Variants in PCDHA13 observed in about 807,000 individuals in gnomAD.
The protein encoded by PCDHA13 is protocadherin alpha 13, also known as protocadherin alpha-13.
PCDHA13 carries 54 observed loss-of-function variants against 64.8 expected under a neutral mutation model. The ratio of observed to expected loss-of-function variants is 0.83; its 90% CI spans 0.67 to 1.04. The LOEUF (loss-of-function observed/expected upper bound fraction) is 1.04, where lower values mean the gene tolerates loss of function less well. Among genes scored for constraint, PCDHA13 ranks in the 50% least tolerant of loss-of-function variants. The pLI is 0.00. For missense variants in PCDHA13, 1,248 were observed against 1,254.3 expected (o/e 0.99, Z 0.08); for synonymous variants, 587 against 564.4 (o/e 1.04, Z -0.57).
intron 1 of PCDHA13, chr5:140,966,674 G>A: frequency 7.7e-7 from 1 of 1,295,168 alleles, no homozygotes; most frequent in Non-Finnish European, 1.0e-6. Flanking sequence ...GGCGCAGGGT[G>A]GCACGAGCGG....
At chr5:140,945,001 G>A (rs2093722890) in intron 1 of PCDHA13, among the ~76,000 whole-genome samples, 1 of 151,990 alleles carries the variant, frequency 6.6e-6, no homozygotes, top group African/African-American at 2.4e-5. Context: ...ACGGTTGTGG[G>A]TCATGAATTA....
At chr5:140,903,873 A>G (rs1173905704) in intron 1 of PCDHA13, among the ~76,000 whole-genome samples, 2 of 152,204 alleles carry the variant, frequency 1.3e-5, no homozygotes, top group Non-Finnish European at 2.9e-5. Context: ...GTAAAATGAC[A>G]AAGACATTGA....
chr5:140,885,229 C>A (rs1410460890), intron 1 of PCDHA13, among the ~76,000 whole-genome samples: 2 of 151,932 alleles, frequency 1.3e-5, no homozygotes, highest in African/African-American at 4.8e-5. Context: ...TGTGATTCTG[C>A]TTTCAATTTT....
chr5:140,927,340 G>C, intron 1 of PCDHA13: 1 of 1,614,030 alleles, frequency 6.2e-7, no homozygotes, highest in Non-Finnish European at 8.5e-7. Flanking sequence ...GAATGCCCAA[G>C]ATGACGACGA....
intron 1 of PCDHA13, among the ~76,000 whole-genome samples, chr5:140,965,996 A>G (rs2095956267): frequency 6.6e-6 from 1 of 152,102 alleles, no homozygotes; most frequent in South Asian, 2.1e-4. Context: ...TGCAGTACTT[A>G]AGAGTGTCCA....
rs369951260 is a variant in PCDHA13, at chr5:140,883,850, C to G, written c.1582C>G (p.Leu528Val). ...GCTGCAGCCGTTGGACCACGAGGAG[C>G]TGGAGCTGTTGCAGTTCCAGGTGAG... ...YALQPLDHEE[L>V]ELLQFQVSAR... Residue 528 changes from leucine (L) to valine (V), a missense_variant, in exon 1 of 4, where the codon CTG becomes GTG. Physicochemically the swap from Leu to Val is conservative, Grantham distance 32 (BLOSUM62 1). Transcript: ENST00000289272. 31 of 1,612,792 alleles carry G rather than the reference C, an allele frequency of 1.9e-5. No homozygotes were observed. The highest frequency in any genetic ancestry group is 4.0e-5 in the African/African-American group (3 of 74,894).
intron 3 of PCDHA13, among the ~76,000 whole-genome samples, chr5:140,990,479 G>A (rs1227837227): frequency 3.3e-5 from 5 of 152,184 alleles, no homozygotes; most frequent in Non-Finnish European, 5.9e-5. Context: ...GTATCAAGCT[G>A]AATAGTGAGG....
At chr5:140,902,895 T>C (rs1554190698) in intron 1 of PCDHA13, among the ~76,000 whole-genome samples, 1 of 152,222 alleles carries the variant, frequency 6.6e-6, no homozygotes, top group Non-Finnish European at 1.5e-5. Flanking sequence ...TATTATTTTA[T>C]TTAGTTTATG....
chr5:140,941,243 CTT>C (rs782176516), intron 1 of PCDHA13, among the ~76,000 whole-genome samples: 1 of 131,826 alleles, frequency 7.6e-6, no homozygotes, highest in Non-Finnish European at 1.6e-5. Flanking sequence ...TTCTTTCTTT[CTT>C]TCTTTCTTTC....
At chr5:140,959,614 G>T (rs1175211325) in intron 1 of PCDHA13, among the ~76,000 whole-genome samples, 1 of 152,024 alleles carries the variant, frequency 6.6e-6, no homozygotes, top group African/African-American at 2.4e-5. Context: ...TTTCTTGCTT[G>T]TGATAGAAAA....
chr5:140,966,813 T>C (rs2096057002), intron 1 of PCDHA13: 2 of 1,551,874 alleles, frequency 1.3e-6, no homozygotes, highest in Non-Finnish European at 8.7e-7. Context: ...CATCCACGGC[T>C]CCGGCGGCCC....
intron 1 of PCDHA13, among the ~76,000 whole-genome samples, chr5:140,959,312 C>G (rs2095480226): frequency 6.6e-6 from 1 of 151,968 alleles, no homozygotes; most frequent in South Asian, 2.1e-4. Flanking sequence ...GTGGTTGAAG[C>G]TGCAATAAGT....
chr5:140,915,615 A>C (rs948306385), intron 1 of PCDHA13, among the ~76,000 whole-genome samples: 5 of 142,332 alleles, frequency 3.5e-5, no homozygotes, highest in Admixed American at 7.1e-5. Flanking sequence ...TCTGTCAAAC[A>C]GTCTCTTTCT....
At chr5:140,951,071 C>T (rs246044) in intron 1 of PCDHA13, among the ~76,000 whole-genome samples, 86,232 of 151,532 alleles carry the variant, frequency 0.57, 25,208 homozygotes, top group African/African-American at 0.71. Flanking sequence ...CATTGGCTTT[C>T]TTATATTTTC....
chr5:140,969,366 A>C (rs1554231734), intron 1 of PCDHA13: 1 of 1,609,828 alleles, frequency 6.2e-7, no homozygotes. Context: ...CTACAAACTC[A>C]TGCATTTGTT....
chr5:140,969,307 A>C (rs2096316993), intron 1 of PCDHA13: 1 of 1,614,192 alleles, frequency 6.2e-7, no homozygotes, highest in Non-Finnish European at 8.5e-7. Flanking sequence ...TTATTCTCAA[A>C]AATGAGGCTG....
At chr5:140,963,705 C>T (rs1351751729) in intron 1 of PCDHA13, among the ~76,000 whole-genome samples, 1 of 152,130 alleles carries the variant, frequency 6.6e-6, no homozygotes, top group Non-Finnish European at 1.5e-5. Flanking sequence ...ATCTAAAGGG[C>T]CATGCTACAT....
rs190283736 is a variant in PCDHA13 at position 140,986,671 on chromosome 5, A to G, written c.2542+4108A>G. 1.7e-3 allele frequency among the ~76,000 whole-genome samples: 261 copies of G among 152,322 alleles called. 3 individuals carry two copies. The highest frequency in any genetic ancestry group is 2.2e-4 in the Non-Finnish European group (15 of 68,018). ...GTGGGAGATGCTCACAGTTTTCAGA[A>G]GAGTTCAGAAAGTTTCAAAACACAC... On this transcript the variant is annotated intron_variant, in intron 3 of 3. Coordinates refer to ENST00000289272, the MANE Select transcript of PCDHA13 (RefSeq NM_018904.3).
chr5:140,909,494 G>A (rs1554193825), intron 1 of PCDHA13, among the ~76,000 whole-genome samples: 2 of 152,174 alleles, frequency 1.3e-5, no homozygotes, highest in African/African-American at 4.8e-5. Context: ...GAGCTGAACG[G>A]GGATGTGGTG....
Sources: gnomAD v4.1 joint callset for allele counts (sites outside exome capture counted in the v4.1 genomes callset) on GRCh38, gnomAD v4.1.1 for gene constraint, MANE v1.5 for transcripts, NCBI Gene and HGNC (gene_info 2026-07-23, HGNC 2026-07-21) for gene names.